Variants in MAP4 observed in about 807,000 individuals in gnomAD.
The protein encoded by MAP4 is microtubule associated protein 4.
MAP4 carries 76 observed loss-of-function variants against 170.2 expected under a neutral mutation model. That is an observed-to-expected ratio of 0.45 (90% confidence interval 0.37 to 0.54). The LOEUF (loss-of-function observed/expected upper bound fraction) is 0.54, where lower values mean the gene tolerates loss of function less well. Among genes scored for constraint, MAP4 ranks in the 20% least tolerant of loss-of-function variants. MAP4 has a pLI of 0.00. For missense variants in MAP4, 2,506 were observed against 2,748.0 expected (o/e 0.91, Z 1.97); for synonymous variants, 909 against 994.5 (o/e 0.91, Z 1.62).
At chr3:48,033,808 G>A (rs556139631) in intron 1 of MAP4, among the ~76,000 whole-genome samples, 2 of 152,078 alleles carry the variant, frequency 1.3e-5, no homozygotes, top group South Asian at 4.2e-4. Context: ...TCACTATGTT[G>A]GCCAGGCTGG....
At chr3:47,946,607 T>C (rs1012660311) in intron 3 of MAP4, among the ~76,000 whole-genome samples, 2 of 146,104 alleles carry the variant, frequency 1.4e-5, no homozygotes, top group Admixed American at 1.4e-4. Context: ...TGAGCCAAGA[T>C]TGTGCCATTG....
chr3:47,957,129 A>C (rs937674304), intron 3 of MAP4, among the ~76,000 whole-genome samples: 4 of 152,132 alleles, frequency 2.6e-5, no homozygotes, highest in African/African-American at 4.8e-5. Context: ...ACTTATATAT[A>C]AGTGCCCAAT....
chr3:48,075,416 T>G (rs560429596), intron 1 of MAP4, among the ~76,000 whole-genome samples: 1 of 151,902 alleles, frequency 6.6e-6, no homozygotes, highest in South Asian at 2.1e-4. Context: ...TCCCAGCTAC[T>G]CAAGACGCAG....
At chr3:47,915,186 G>C (rs1389623659) in intron 7 of MAP4, among the ~76,000 whole-genome samples, 3 of 150,380 alleles carry the variant, frequency 2.0e-5, no homozygotes, top group African/African-American at 7.4e-5. Context: ...GTGCGATCTC[G>C]GCTCACCACA....
chr3:47,882,170 T>C (rs2096874676), intron 10 of MAP4, among the ~76,000 whole-genome samples: 1 of 152,040 alleles, frequency 6.6e-6, no homozygotes, highest in African/African-American at 2.4e-5. Flanking sequence ...TCCCAGCTAC[T>C]TGGGAGGCTG....
intron 2 of MAP4, among the ~76,000 whole-genome samples, chr3:47,978,977 T>G (rs1195560937): frequency 6.6e-6 from 1 of 152,068 alleles, no homozygotes; most frequent in Non-Finnish European, 1.5e-5. Context: ...TTGTAAAAAT[T>G]TCTTCCCTGT....
chr3:47,989,070 A>G (rs939055531), intron 2 of MAP4, among the ~76,000 whole-genome samples: 1 of 152,154 alleles, frequency 6.6e-6, no homozygotes, highest in African/African-American at 2.4e-5. Context: ...TCAGCCTCTC[A>G]AAGTGCTGGG....
chr3:47,859,619 C>T (rs2062425010), intron 17 of MAP4, among the ~76,000 whole-genome samples: 1 of 152,198 alleles, frequency 6.6e-6, no homozygotes, highest in African/African-American at 2.4e-5. Flanking sequence ...CGCTTCAATC[C>T]GTCTCTTTCT....
chr3:47,921,619 T>C, intron 5 of MAP4, 146 bp downstream of exon 5: 1 of 597,100 alleles, frequency 1.7e-6, no homozygotes. Flanking sequence ...GTACCTCTCA[T>C]GTACATATTA....
chr3:48,024,705 TAA>T (rs775341430), intron 1 of MAP4, among the ~76,000 whole-genome samples: 2 of 152,196 alleles, frequency 1.3e-5, no homozygotes, highest in Non-Finnish European at 2.9e-5. Context: ...CTAGTTATGT[TAA>T]AGAGTTAGCA....
chr3:47,939,803 G>A (rs768439272), intron 3 of MAP4, among the ~76,000 whole-genome samples: 14 of 151,534 alleles, frequency 9.2e-5, no homozygotes, highest in Admixed American at 6.6e-5. Flanking sequence ...CCTGGAGAAG[G>A]AGCATGAAAG....
chr3:47,973,917 A>C (rs2100080351), intron 3 of MAP4: 1 of 984,950 alleles, frequency 1.0e-6, no homozygotes, highest in Admixed American at 6.1e-5. Context: ...AGATAAGCAT[A>C]ACCTCTTTCC....
chr3:47,892,422 C>T (rs1464799829), intron 10 of MAP4: 1 of 1,536,246 alleles, frequency 6.5e-7, no homozygotes, highest in Non-Finnish European at 8.7e-7. Flanking sequence ...CGGCACTCTG[C>T]AGGCTTGCCC....
At chr3:48,080,125 T>C (rs912838501) in intron 1 of MAP4, among the ~76,000 whole-genome samples, 1 of 152,156 alleles carries the variant, frequency 6.6e-6, no homozygotes, top group Non-Finnish European at 1.5e-5. Flanking sequence ...AGATTAGAGC[T>C]ACAGGGAATA....
chr3:47,995,236 ACTT>A (rs1381642230), intron 2 of MAP4, among the ~76,000 whole-genome samples: 1 of 147,200 alleles, frequency 6.8e-6, no homozygotes. Context: ...AATGATAGCA[ACTT>A]TTTTTCTTTT....
intron 1 of MAP4, among the ~76,000 whole-genome samples, chr3:48,069,003 G>GA (rs1220631433): frequency 6.6e-6 from 1 of 152,140 alleles, no homozygotes; most frequent in Non-Finnish European, 1.5e-5. Flanking sequence ...TATGCACCTA[G>GA]AAGGTATATA....
chr3:47,866,996 C>T (rs568103583), intron 17 of MAP4, among the ~76,000 whole-genome samples: 10 of 152,294 alleles, frequency 6.6e-5, no homozygotes, highest in African/African-American at 1.4e-4. Context: ...GGAGAAAAAT[C>T]CAAAGCCTCC....
intron 1 of MAP4, among the ~76,000 whole-genome samples, chr3:48,079,306 A>C (rs1166537146): frequency 1.3e-5 from 2 of 152,082 alleles, no homozygotes; most frequent in East Asian, 3.9e-4. Flanking sequence ...AAATATGAAC[A>C]ATTCTGGTCT....
intron 1 of MAP4, among the ~76,000 whole-genome samples, chr3:48,013,033 T>C (rs1431377933): frequency 6.6e-6 from 1 of 152,190 alleles, no homozygotes; most frequent in South Asian, 2.1e-4. Flanking sequence ...AATTTTATAG[T>C]TATTTTATTC....
Sources: gnomAD v4.1 joint callset for allele counts (sites outside exome capture counted in the v4.1 genomes callset) on GRCh38, gnomAD v4.1.1 for gene constraint, MANE v1.5 for transcripts, NCBI Gene and HGNC (gene_info 2026-07-23, HGNC 2026-07-21) for gene names.